The following MARCHF8 variants were observed in gnomAD, a reference collection of about 807,000 sequenced individuals.
MARCHF8 encodes membrane associated ring-CH-type finger 8.
In MARCHF8, 40 loss-of-function variants were observed where a neutral mutation model predicts 51.6. That is an observed-to-expected ratio of 0.77 (90% CI 0.60 to 1.01). The LOEUF (loss-of-function observed/expected upper bound fraction) is 1.01, where lower values mean the gene tolerates loss of function less well. Ranked by LOEUF, MARCHF8 falls within the 50% of genes least tolerant of loss-of-function variation. MARCHF8 has a pLI of 0.00. For synonymous variants in MARCHF8, 263 were observed against 280.3 expected (o/e 0.94, Z 0.62); for missense variants, 685 against 708.6 (o/e 0.97, Z 0.38).
At chr10:45,526,751 A>G (rs1485574999) in intron 2 of MARCHF8, among the ~76,000 whole-genome samples, 2 of 152,158 alleles carry the variant, frequency 1.3e-5, no homozygotes, top group African/African-American at 2.4e-5. Context: ...CTGGATTTAA[A>G]TTGGACTGTA....
At chr10:45,566,231 G>T (rs1243244981) in intron 1 of MARCHF8, among the ~76,000 whole-genome samples, 1 of 152,170 alleles carries the variant, frequency 6.6e-6, no homozygotes, top group East Asian at 1.9e-4. Flanking sequence ...AGTACATCAT[G>T]AAGAATAGGG....
intron 2 of MARCHF8, among the ~76,000 whole-genome samples, chr10:45,514,880 T>C (rs2043593272): frequency 6.6e-6 from 1 of 152,140 alleles, no homozygotes; most frequent in Non-Finnish European, 1.5e-5. Flanking sequence ...AAACCCACCC[T>C]ACATAATGAG....
intron 2 of MARCHF8, among the ~76,000 whole-genome samples, chr10:45,493,610 C>T (rs977261227): frequency 2.6e-5 from 4 of 152,142 alleles, no homozygotes; most frequent in African/African-American, 9.7e-5. Context: ...ATTTAGGGAT[C>T]TTGCTAAAAT....
At chr10:45,510,685 C>T (rs1197198108) in intron 2 of MARCHF8, among the ~76,000 whole-genome samples, 1 of 152,122 alleles carries the variant, frequency 6.6e-6, no homozygotes, top group Non-Finnish European at 1.5e-5. Context: ...TCCACCACTG[C>T]TTTCTTTTTT....
intron 3 of MARCHF8, among the ~76,000 whole-genome samples, chr10:45,475,171 A>G (rs2042764084): frequency 6.6e-6 from 1 of 152,210 alleles, no homozygotes; most frequent in Non-Finnish European, 1.5e-5. Context: ...CATTTGGCAA[A>G]GACCCTGCTG....
chr10:45,475,313 G>A (rs1424038923), intron 3 of MARCHF8, among the ~76,000 whole-genome samples: 1 of 152,246 alleles, frequency 6.6e-6, no homozygotes, highest in East Asian at 1.9e-4. Flanking sequence ...TAGGGCTGCA[G>A]TATAGCCACT....
chr10:45,594,496 G>A (rs2044715289), exon 1 of MARCHF8: 2 of 152,302 alleles, frequency 1.3e-5, no homozygotes, highest in African/African-American at 2.4e-5. Context: ...CCCAGGGGCA[G>A]ACGCGAGCAC....
intron 2 of MARCHF8, among the ~76,000 whole-genome samples, chr10:45,496,775 AT>A (rs1246395113): frequency 6.6e-6 from 1 of 151,416 alleles, no homozygotes; most frequent in Non-Finnish European, 1.5e-5. Context: ...TTAGAAAAAT[AT>A]ATATATATAT....
chr10:45,515,752 T>C (rs1589142582), intron 2 of MARCHF8, among the ~76,000 whole-genome samples: 1 of 152,324 alleles, frequency 6.6e-6, no homozygotes, highest in East Asian at 1.9e-4. Flanking sequence ...GTGTGTGTGA[T>C]GCCGTGTTGT....
chr10:45,524,137 G>A (rs2043753611), intron 2 of MARCHF8, among the ~76,000 whole-genome samples: 1 of 152,124 alleles, frequency 6.6e-6, no homozygotes, highest in African/African-American at 2.4e-5. Flanking sequence ...GTTCAAATGG[G>A]TCAACCTGAA....
Position 45,456,486 on chromosome 10 carries a change from C to A in MARCHF8, c.*1753G>T, listed in dbSNP as rs999350963. On this transcript the variant is annotated 3_prime_UTR_variant, in exon 8 of 8. Transcript: ENST00000453424. ...AAGCCTGCTGCTATTAAGCCCACAC[C>A]GTAGCTTAGAGATCCTTCAGCCTCC... is the stretch of plus-strand genomic sequence containing the variant. 1 of 152,284 alleles carries A rather than the reference C, an allele frequency of 6.6e-6. No individual in the cohort carries two copies. Among genetic ancestry groups the A allele is most frequent in the Non-Finnish European group, 1.5e-5 (1 of 68,098 alleles). 9.4% of individuals were successfully genotyped at this position (152,284 alleles called of 1,614,324 possible). A position where few individuals can be genotyped will look rare whatever the true frequency, so the allele number is the denominator to read the frequency against.
intron 2 of MARCHF8, among the ~76,000 whole-genome samples, chr10:45,492,382 C>T (rs1337081703): frequency 6.6e-6 from 1 of 152,038 alleles, no homozygotes; most frequent in African/African-American, 2.4e-5. Flanking sequence ...ACTGCACGCT[C>T]CGCCTCCCAG....
chr10:45,583,807 T>G (rs1389537791), intron 1 of MARCHF8, among the ~76,000 whole-genome samples: 1 of 151,926 alleles, frequency 6.6e-6, no homozygotes, highest in African/African-American at 2.4e-5. Context: ...AATAAAGACA[T>G]ATGCTTGTCA....
At chr10:45,584,149 AT>A (rs1238262179) in intron 1 of MARCHF8, among the ~76,000 whole-genome samples, 4 of 131,802 alleles carry the variant, frequency 3.0e-5, no homozygotes, top group African/African-American at 9.0e-5. Flanking sequence ...ATATATATAT[AT>A]ATATATATAT....
chr10:45,519,324 T>A (rs965022331), intron 2 of MARCHF8, among the ~76,000 whole-genome samples: 1 of 152,170 alleles, frequency 6.6e-6, no homozygotes, highest in Non-Finnish European at 1.5e-5. Context: ...ATATCAGAGA[T>A]ACAGATGCTA....
At chr10:45,557,821 T>C (rs1015496201) in intron 1 of MARCHF8, among the ~76,000 whole-genome samples, 1 of 152,068 alleles carries the variant, frequency 6.6e-6, no homozygotes, top group African/African-American at 2.4e-5. Context: ...ATAACAATGA[T>C]GGAAAGGCCC....
intron 1 of MARCHF8, among the ~76,000 whole-genome samples, chr10:45,587,157 C>T (rs1000532586): frequency 7.9e-5 from 12 of 151,984 alleles, no homozygotes; most frequent in Admixed American, 3.3e-4. Flanking sequence ...GAAAGGAAGA[C>T]GTAAAACTGT....
intron 2 of MARCHF8, among the ~76,000 whole-genome samples, chr10:45,489,850 AAGT>A (rs1255835630): frequency 1.3e-5 from 2 of 152,140 alleles, no homozygotes; most frequent in Admixed American, 6.5e-5. Flanking sequence ...AGAGTGAAGA[AAGT>A]AGGACAGCTG....
intron 1 of MARCHF8, among the ~76,000 whole-genome samples, chr10:45,569,349 T>G (rs1759688913): frequency 6.6e-6 from 1 of 152,176 alleles, no homozygotes; most frequent in South Asian, 2.1e-4. Context: ...CAGCACTAAT[T>G]GAAATGATTA....
Sources: allele counts gnomAD v4.1 joint callset (sites outside exome capture counted in the v4.1 genomes callset), GRCh38; gene constraint gnomAD v4.1.1; transcripts MANE v1.5; gene names NCBI Gene and HGNC (gene_info 2026-07-23, HGNC 2026-07-21).